Variants in CEP192 observed in about 807,000 individuals in gnomAD.
CEP192 encodes the protein centrosomal protein of 192 kDa.
In CEP192, 151 loss-of-function variants were observed where a neutral mutation model predicts 271.8. The observed-to-expected ratio is 0.56, with a 90% CI of 0.49 to 0.64. CEP192 has a LOEUF of 0.64. CEP192 is among the 30% of genes least tolerant of loss of function. CEP192 has a pLI of 0.00. For missense variants in CEP192, 2,910 were observed against 3,020.5 expected (o/e 0.96, Z 0.86); for synonymous variants, 995 against 1,076.5 (o/e 0.92, Z 1.48).
chr18:13,047,054 G>C (rs959244295), intron 15 of CEP192, among the ~76,000 whole-genome samples: 1 of 152,054 alleles, frequency 6.6e-6, no homozygotes, highest in African/African-American at 2.4e-5. Flanking sequence ...CCATCTTACT[G>C]TGATGTGGTT....
At chr18:13,083,237 C>T (rs748207851) in intron 30 of CEP192, among the ~76,000 whole-genome samples, 2 of 152,214 alleles carry the variant, frequency 1.3e-5, no homozygotes, top group Non-Finnish European at 2.9e-5. Context: ...TTCCATTCTT[C>T]CTGTCACTTT....
chr18:13,105,383 A>G (rs951252966), intron 40 of CEP192, among the ~76,000 whole-genome samples: 2 of 152,222 alleles, frequency 1.3e-5, no homozygotes, highest in Non-Finnish European at 2.9e-5. Flanking sequence ...AAAACCTGCC[A>G]TTACTCAAAA....
At chr18:13,031,875 T>G (rs1209748538) in intron 11 of CEP192, among the ~76,000 whole-genome samples, 1 of 152,106 alleles carries the variant, frequency 6.6e-6, no homozygotes, top group African/African-American at 2.4e-5. Context: ...CATGAGAAAT[T>G]TCAAATGGAG....
chr18:13,052,392 C>T (rs1358904560), intron 17 of CEP192, among the ~76,000 whole-genome samples: 1 of 152,142 alleles, frequency 6.6e-6, no homozygotes, highest in East Asian at 1.9e-4. Context: ...GTGGACATGT[C>T]CTTTTTGTGA....
chr18:13,044,209 A>G (rs2036356883), intron 15 of CEP192, among the ~76,000 whole-genome samples: 1 of 152,118 alleles, frequency 6.6e-6, no homozygotes, highest in East Asian at 1.9e-4. Context: ...ATTATCTATC[A>G]ACTCTTTGGA....
Position 13,028,597 on chromosome 18 carries a change from G to A in CEP192, c.1051-1066G>A, listed in dbSNP as rs138348582. On this transcript the variant is annotated intron_variant, in intron 9 of 44. Coordinates refer to ENST00000506447, the MANE Select transcript of CEP192 (RefSeq NM_032142.4). ...TGCAATGGCGGGTTCTTGGCTCACT[G>A]CAACCTCCGCCTCCCAGGTTCAAGT... Among the ~76,000 whole-genome samples the A allele has an allele frequency of 2.4e-4, 36 of 152,222 alleles. No individual in the cohort carries two copies. In the Middle Eastern group the frequency reaches 0.01, roughly 43 times the overall value.
In CEP192 at chr18:13,097,653, T is replaced by A. The variant is rs1474842344; in HGVS notation, c.6557+1346T>A. ...TTTTTTTTTTTTTTAACTATTATTT[T>A]TTTTTTTTTTATTGATCATTCTTGG... On this transcript the variant is annotated intron_variant, in intron 36 of 44. Coordinates refer to ENST00000506447, the MANE Select transcript of CEP192 (RefSeq NM_032142.4). Among the ~76,000 whole-genome samples, 32 of 150,304 alleles carry A rather than the reference T, an allele frequency of 2.1e-4. 1 individual carries two copies. Among genetic ancestry groups the A allele is most frequent in the Middle Eastern group, 3.4e-3 (1 of 294 alleles).
At chr18:13,116,590 ATATT>A (rs2040441368) in intron 43 of CEP192, 87 bp downstream of exon 43, 2 of 1,293,158 alleles carry the variant, frequency 1.5e-6, no homozygotes, top group Non-Finnish European at 2.1e-6. Context: ...TCTGTAGACT[ATATT>A]TAAGTTGTAA....
chr18:13,012,698 CTT>C (rs2034434176), intron 4 of CEP192, among the ~76,000 whole-genome samples: 1 of 152,138 alleles, frequency 6.6e-6, no homozygotes, highest in Non-Finnish European at 1.5e-5. Context: ...TGTCATTTCT[CTT>C]GTTTCTCTCT....
At chr18:13,116,533 G>A in intron 43 of CEP192, 30 bp downstream of exon 43, 4 of 1,559,782 alleles carry the variant, frequency 2.6e-6, no homozygotes, top group Middle Eastern at 1.7e-4. Context: ...ATGGGTTTTG[G>A]AAAAATACAT....
intron 5 of CEP192, among the ~76,000 whole-genome samples, chr18:13,013,784 A>G (rs1245365632): frequency 6.6e-6 from 1 of 152,226 alleles, no homozygotes; most frequent in African/African-American, 2.4e-5. Context: ...AATTTATGAG[A>G]CTTACTTACA....
At chr18:13,083,425 A>G (rs2038730869) in intron 30 of CEP192, among the ~76,000 whole-genome samples, 1 of 152,184 alleles carries the variant, frequency 6.6e-6, no homozygotes, top group Non-Finnish European at 1.5e-5. Flanking sequence ...AAGCTTGTGC[A>G]TGCATCACGT....
intron 15 of CEP192, among the ~76,000 whole-genome samples, chr18:13,046,920 A>G (rs8099005): frequency 0.038 from 5,405 of 141,342 alleles, 305 homozygotes; most frequent in African/African-American, 0.13. Context: ...TACTCTTGAT[A>G]TGTATTTTTG....
rs1468922180 is a variant in CEP192 at position 13,029,614 on chromosome 18, A to AG, written c.1051-49_1051-48insG. ...TAAATTTTAAAATAAGTTATAAAAAACAAGACTTACTGTTGCTCTGTTAAA... is the reference window on the plus strand; with the variant it reads ...TAAATTTTAAAATAAGTTATAAAAAAGCAAGACTTACTGTTGCTCTGTTAAA... On this transcript the variant is annotated intron_variant, in intron 9 of 44. Transcript: ENST00000506447. 8.7e-6 allele frequency: 10 copies of AG among 1,150,510 alleles called. 1 individual carries two copies. In the East Asian group the frequency reaches 2.6e-4, roughly 30 times the overall value. The allele number at this position is 1,150,510 out of a possible 1,614,324, so 71.3% of individuals were successfully genotyped here.
At chr18:13,095,422 T>C (rs2039344942) in intron 34 of CEP192, 81 bp from the exon 35 acceptor site, 1 of 1,018,158 alleles carries the variant, frequency 9.8e-7, no homozygotes, top group Non-Finnish European at 1.5e-6. Context: ...AAATATGTGA[T>C]ACAATCTGGC....
Position 13,008,504 on chromosome 18 carries a change from T to C in CEP192, c.339T>C (p.Asn113=). The change falls in exon 4 of 45, where the codon AAT becomes AAC. Residue 113 remains asparagine, a synonymous_variant. Coordinates refer to ENST00000506447, the MANE Select transcript of CEP192 (RefSeq NM_032142.4). ...KSYVESQRLS[N]ALSKQSALQM... The stretch of plus-strand genomic sequence containing the variant: ...ATGTGGAAAGTCAACGTTTGTCAAA[T>C]GCTCTCAGCAAACAGTCAGCTTTAC... 1.9e-6 allele frequency: 3 copies of C among 1,551,372 alleles called. No homozygotes were observed. The highest frequency in any genetic ancestry group is 2.6e-6 in the Non-Finnish European group (3 of 1,146,822).
Position 13,049,387 on chromosome 18 carries a change from T to G in CEP192, c.2596T>G (p.Ser866Ala). 1 of 1,614,044 alleles carries G rather than the reference T, an allele frequency of 6.2e-7. No individual in the cohort carries two copies. The highest frequency in any genetic ancestry group is 8.5e-7 in the Non-Finnish European group (1 of 1,179,992). ...ESFRTINSSN[S>A]VTNRENNSAV... ...ATTTAGAACCATAAACTCCTCAAAT[T>G]CAGTTACAAATAGAGAGAATAACAG... is the stretch of plus-strand genomic sequence containing the variant. The change falls in exon 16 of 45, where the codon TCA becomes GCA. Residue 866 changes from serine (S) to alanine (A), a missense_variant. Ser to Ala is a moderately conservative substitution (Grantham distance 99). Coordinates refer to ENST00000506447, the MANE Select transcript of CEP192 (RefSeq NM_032142.4).
Position 13,038,465 on chromosome 18 carries a change from C to T in CEP192, c.1695C>T (p.Ser565=). 1.3e-6 allele frequency: 2 copies of T among 1,551,404 alleles called. No homozygotes were observed. Among genetic ancestry groups the T allele is most frequent in the Non-Finnish European group, 1.7e-6 (2 of 1,146,780 alleles). The part of the protein sequence containing the change: ...INYSLLRKSR[S]TSDLDKDDAS... Reference sequence around the variant, plus strand: ...ACAGTCTGTTGAGGAAATCACGTAGCACATCAGATTTGGATAAAGATGATG... The same window carrying T: ...ACAGTCTGTTGAGGAAATCACGTAGTACATCAGATTTGGATAAAGATGATG... Residue 565 remains serine (S), a synonymous_variant, in exon 13 of 45, where the codon AGC becomes AGT. Coordinates refer to ENST00000506447, the MANE Select transcript of CEP192 (RefSeq NM_032142.4).
At chr18:13,003,451 G>GAAAAAA (rs545191456) in intron 3 of CEP192, among the ~76,000 whole-genome samples, 1 of 101,512 alleles carries the variant, frequency 9.9e-6, no homozygotes, top group Non-Finnish European at 2.0e-5. Flanking sequence ...TCTGTCTCAA[G>GAAAAAA]AAAAAAAAAA....
Sources: allele counts gnomAD v4.1 joint callset (sites outside exome capture counted in the v4.1 genomes callset), GRCh38; gene constraint gnomAD v4.1.1; transcripts MANE v1.5; gene names NCBI Gene and HGNC (gene_info 2026-07-23, HGNC 2026-07-21).